IL1R1: variants seen among roughly 807,000 people sequenced by gnomAD.
IL1R1 encodes the protein interleukin 1 receptor type 1.
IL1R1 carries 22 observed loss-of-function variants against 50.2 expected under a neutral mutation model. The observed-to-expected ratio is 0.44, with a 90% CI of 0.31 to 0.63. IL1R1 has a LOEUF of 0.63. Ranked by LOEUF, IL1R1 falls within the 20% of genes least tolerant of loss-of-function variation. The pLI is 0.07. For synonymous variants in IL1R1, 251 were observed against 236.7 expected (o/e 1.06, Z -0.55); for missense variants, 509 against 676.2 (o/e 0.75, Z 2.74).
intron 1 of IL1R1, among the ~76,000 whole-genome samples, chr2:102,106,445 T>G (rs1680416662): frequency 2.6e-5 from 4 of 152,228 alleles, no homozygotes; most frequent in Admixed American, 2.6e-4. Flanking sequence ...CTATTGTTAA[T>G]CATTGAACTG....
In IL1R1 at chr2:102,142,864, C is replaced by G. The variant is rs1235659479; in HGVS notation, c.-240C>G. The G allele has an allele frequency of 1.3e-5, 2 of 150,172 alleles. No individual in the cohort carries two copies. The highest frequency in any genetic ancestry group is 2.4e-5 in the African/African-American group (1 of 41,202). The allele number at this position is 150,172 out of a possible 1,614,324, so 9.3% of individuals were successfully genotyped here. On this transcript the variant is annotated 5_prime_UTR_variant, in exon 1 of 12. Coordinates refer to ENST00000410023, the MANE Select transcript of IL1R1 (RefSeq NM_000877.4). ...CGGGCCGGGCGGTGGGGGCGCCGGC[C>G]TGCCCCGCGCGCCCCAGGGAGCGGC...
intron 1 of IL1R1, among the ~76,000 whole-genome samples, chr2:102,146,001 G>A (rs1359431188): frequency 1.3e-5 from 2 of 152,182 alleles, no homozygotes; most frequent in Non-Finnish European, 2.9e-5. Flanking sequence ...TCTTGGCACA[G>A]AGAGAAGTGG....
At chr2:102,116,833 T>C (rs984285311) in intron 1 of IL1R1, among the ~76,000 whole-genome samples, 11 of 152,168 alleles carry the variant, frequency 7.2e-5, no homozygotes, top group Non-Finnish European at 1.3e-4. Context: ...GGTCCTGGTG[T>C]CTTCTTTATG....
chr2:102,119,074 A>G (rs994742994), intron 1 of IL1R1, among the ~76,000 whole-genome samples: 7 of 151,332 alleles, frequency 4.6e-5, no homozygotes, highest in Admixed American at 4.0e-4. Flanking sequence ...TATCTATCTC[A>G]CGTTTATTTT....
intron 1 of IL1R1, among the ~76,000 whole-genome samples, chr2:102,148,006 T>A (rs1683306732): frequency 6.6e-6 from 1 of 152,218 alleles, no homozygotes; most frequent in Non-Finnish European, 1.5e-5. Context: ...GCTTGGTGTT[T>A]CCTGGGCTTT....
At chr2:102,117,730 G>T (rs921757119) in intron 1 of IL1R1, among the ~76,000 whole-genome samples, 1 of 152,048 alleles carries the variant, frequency 6.6e-6, no homozygotes, top group African/African-American at 2.4e-5. Context: ...TCTCAGAACC[G>T]GTGTTTGCGT....
At chr2:102,090,433 GA>G (rs1178907420) in intron 1 of IL1R1, among the ~76,000 whole-genome samples, 3 of 152,124 alleles carry the variant, frequency 2.0e-5, no homozygotes, top group Non-Finnish European at 4.4e-5. Flanking sequence ...CTTCTTCTAA[GA>G]TTAATTATAC....
chr2:102,079,790 A>G (rs1679129051), intron 1 of IL1R1, among the ~76,000 whole-genome samples: 2 of 152,166 alleles, frequency 1.3e-5, no homozygotes, highest in African/African-American at 4.8e-5. Context: ...ATCCAAAACA[A>G]TCTTGAAAAA....
intron 1 of IL1R1, among the ~76,000 whole-genome samples, chr2:102,093,871 G>A (rs185057602): frequency 3.3e-5 from 5 of 152,248 alleles, no homozygotes; most frequent in Admixed American, 6.5e-5. Flanking sequence ...GCAGGCTCCC[G>A]GCAGCTGCAG....
intron 1 of IL1R1, among the ~76,000 whole-genome samples, chr2:102,086,525 G>A (rs748067367): frequency 3.4e-5 from 5 of 148,046 alleles, no homozygotes; most frequent in Non-Finnish European, 6.0e-5. Flanking sequence ...TATTTTCTAC[G>A]CCTTTCTCCC....
chr2:102,080,010 T>C (rs1435537828), intron 1 of IL1R1, among the ~76,000 whole-genome samples: 1 of 152,114 alleles, frequency 6.6e-6, no homozygotes. Flanking sequence ...TAATAAAAGG[T>C]GATGGGACAT....
intron 3 of IL1R1, among the ~76,000 whole-genome samples, chr2:102,159,812 C>T (rs2104544526): frequency 6.6e-6 from 1 of 152,208 alleles, no homozygotes; most frequent in South Asian, 2.1e-4. Context: ...TTTTCAAAGC[C>T]TTTGTGTCTG....
intron 1 of IL1R1, among the ~76,000 whole-genome samples, chr2:102,095,794 G>T (rs557590515): frequency 1.3e-5 from 2 of 152,232 alleles, no homozygotes; most frequent in East Asian, 3.9e-4. Context: ...CATGAGGTTA[G>T]GAGATCGAGA....
intron 1 of IL1R1, among the ~76,000 whole-genome samples, chr2:102,117,528 C>T (rs1426797781): frequency 4.6e-5 from 7 of 152,330 alleles, no homozygotes; most frequent in Non-Finnish European, 8.8e-5. Flanking sequence ...CTGCCAACAT[C>T]GCTCTTCAGT....
intron 7 of IL1R1, 34 bp downstream of exon 7, chr2:102,168,697 G>T (rs202198085): frequency 9.3e-6 from 11 of 1,185,682 alleles, no homozygotes; most frequent in African/African-American, 1.6e-5. Flanking sequence ...TGCTGGAATC[G>T]GTTTTTTTTT....
intron 1 of IL1R1, among the ~76,000 whole-genome samples, chr2:102,128,851 A>G (rs1000091763): frequency 6.6e-6 from 1 of 152,142 alleles, no homozygotes; most frequent in Non-Finnish European, 1.5e-5. Flanking sequence ...TATTTTACTC[A>G]TTGGGTAATC....
In IL1R1 at chr2:102,097,014, A is replaced by G. The variant is rs183252694; in HGVS notation, c.-84+26481A>G. Among the ~76,000 whole-genome samples the G allele has an allele frequency of 1.8e-4, 27 of 152,134 alleles. No homozygotes were observed. In the East Asian group the frequency reaches 3.9e-3, roughly 22 times the overall value. On this transcript the variant is annotated intron_variant, in intron 1 of 11. Coordinates refer to the IL1R1 transcript ENST00000409929. ...TGTCATGTACTAACTTTCCATAAGT[A>G]TTTGTCAGGATAGGAAATATTACAA...
intron 3 of IL1R1, among the ~76,000 whole-genome samples, chr2:102,164,389 A>G (rs914168361): frequency 7.2e-5 from 11 of 151,960 alleles, no homozygotes; most frequent in Non-Finnish European, 1.5e-4. Context: ...CTGATGTTCA[A>G]TGTCTTGAAT....
intron 1 of IL1R1, among the ~76,000 whole-genome samples, chr2:102,112,290 C>T (rs954820158): frequency 1.3e-5 from 2 of 149,608 alleles, no homozygotes; most frequent in Admixed American, 6.7e-5. Context: ...TCATTTATGG[C>T]CAGCACAGAG....
Sources: gnomAD v4.1 joint callset for allele counts (sites outside exome capture counted in the v4.1 genomes callset) on GRCh38, gnomAD v4.1.1 for gene constraint, MANE v1.5 for transcripts, NCBI Gene and HGNC (gene_info 2026-07-23, HGNC 2026-07-21) for gene names.